Variants in RBFOX1 observed in about 807,000 individuals in gnomAD.
The protein encoded by RBFOX1 is RNA binding protein fox-1 homolog 1.
A neutral mutation model predicts 57.7 loss-of-function variants in RBFOX1; 8 were observed. That is an observed-to-expected ratio of 0.14 (90% CI 0.08 to 0.25). The LOEUF is 0.25. Among genes scored for constraint, RBFOX1 ranks in the 10% least tolerant of loss-of-function variants. The pLI is 1.00. For synonymous variants in RBFOX1, 326 were observed against 222.4 expected (o/e 1.47, Z -4.15); for missense variants, 611 against 548.5 (o/e 1.11, Z -1.14).
intron 3 of RBFOX1, among the ~76,000 whole-genome samples, chr16:6,821,373 T>C (rs970273764): frequency 6.6e-6 from 1 of 152,224 alleles, no homozygotes; most frequent in Non-Finnish European, 1.5e-5. Flanking sequence ...TTGATACTGT[T>C]TTATTTTAAA....
At chr16:5,387,266 C>G (rs1419077788) in intron 1 of RBFOX1, among the ~76,000 whole-genome samples, 1 of 152,140 alleles carries the variant, frequency 6.6e-6, no homozygotes, top group Non-Finnish European at 1.5e-5. Flanking sequence ...TTTTCAGAAT[C>G]TGCTGGGAGT....
Position 7,710,660 on chromosome 16 carries a change from G to A in RBFOX1, c.1109G>A (p.Ser370Asn). Residue 370 changes from serine to asparagine, a missense_variant, in exon 16 of 16, where the codon AGC (serine) becomes AAC (asparagine). Around this residue, in one of 3 missense-constraint regions of RBFOX1, gnomAD observed 267 missense variants for 229.1 expected, o/e 1.17. Transcript: ENST00000550418. ...CCTTTGACTGATGCCAAGACTAGGAGCCATGCTGATGATGTGGGTCTCGTT... is the reference window on the plus strand; with the variant it reads ...CCTTTGACTGATGCCAAGACTAGGAACCATGCTGATGATGTGGGTCTCGTT... ...FAPLTDAKTRSHADDVGLVLS... is the reference protein window; with the variant it reads ...FAPLTDAKTRNHADDVGLVLS... 2 of 1,613,500 alleles carry A rather than the reference G, an allele frequency of 1.2e-6. No individual in the cohort carries two copies. Among genetic ancestry groups the A allele is most frequent in the Non-Finnish European group, 1.7e-6 (2 of 1,179,778 alleles).
Position 6,531,395 on chromosome 16 carries a change from T to A in RBFOX1, c.-63-123208T>A, listed in dbSNP as rs187295958. Among the ~76,000 whole-genome samples, 9 of 152,304 alleles carry A rather than the reference T, an allele frequency of 5.9e-5. No individual in the cohort carries two copies. The East Asian group carries it at 1.7e-3, about 29-fold the overall frequency. On this transcript the variant is annotated intron_variant, in intron 2 of 15. Coordinates refer to ENST00000550418, the MANE Select transcript of RBFOX1 (RefSeq NM_018723.4). ...GGTACCAGAGCTCTCAGACATAGGA[T>A]CAGTTTTCTTAAGACATCTTACTCG...
At chr16:6,353,376 T>A (rs2086729209) in intron 2 of RBFOX1, among the ~76,000 whole-genome samples, 1 of 151,852 alleles carries the variant, frequency 6.6e-6, no homozygotes, top group Non-Finnish European at 1.5e-5. Flanking sequence ...GGGTATTAGC[T>A]CATTTGCCAT....
At chr16:5,501,113 T>C (rs2043179277) in intron 2 of RBFOX1, among the ~76,000 whole-genome samples, 1 of 151,924 alleles carries the variant, frequency 6.6e-6, no homozygotes, top group Non-Finnish European at 1.5e-5. Context: ...GTCAGGAGTT[T>C]GAGACCAGCT....
At chr16:6,769,578 A>C (rs2077958135) in intron 3 of RBFOX1, among the ~76,000 whole-genome samples, 1 of 152,230 alleles carries the variant, frequency 6.6e-6, no homozygotes, top group Non-Finnish European at 1.5e-5. Context: ...ACAATGCTGA[A>C]ACAGCTTCAT....
intron 3 of RBFOX1, among the ~76,000 whole-genome samples, chr16:5,634,243 C>T (rs980588953): frequency 6.6e-6 from 1 of 152,184 alleles, no homozygotes; most frequent in Non-Finnish European, 1.5e-5. Flanking sequence ...ACTGGCAAAG[C>T]CTGAAGTCTT....
At chr16:5,624,985 G>C (rs761742329) in intron 3 of RBFOX1, among the ~76,000 whole-genome samples, 1 of 152,194 alleles carries the variant, frequency 6.6e-6, no homozygotes, top group South Asian at 2.1e-4. Context: ...GATTGAGGGT[G>C]ACTCTCGGGC....
At chr16:6,029,036 G>T (rs2095248205) in intron 1 of RBFOX1, among the ~76,000 whole-genome samples, 2 of 152,122 alleles carry the variant, frequency 1.3e-5, no homozygotes, top group South Asian at 4.1e-4. Context: ...TGGCTACCTG[G>T]GAGTGAGTTA....
chr16:6,118,783 C>G (rs964630825), intron 1 of RBFOX1, among the ~76,000 whole-genome samples: 15 of 147,608 alleles, frequency 1.0e-4, no homozygotes, highest in African/African-American at 3.9e-4. Context: ...CTTTCTCCCT[C>G]TCTTTCTCTC....
intron 1 of RBFOX1, among the ~76,000 whole-genome samples, chr16:5,307,259 C>A (rs943109640): frequency 6.6e-6 from 1 of 152,140 alleles, no homozygotes; most frequent in South Asian, 2.1e-4. Context: ...TTTCTGTGCT[C>A]ACACCAGGAG....
intron 1 of RBFOX1, among the ~76,000 whole-genome samples, chr16:5,397,407 C>T (rs1017794653): frequency 6.6e-6 from 1 of 152,316 alleles, no homozygotes; most frequent in East Asian, 1.9e-4. Context: ...GGCAGGTGCT[C>T]TCTGCACTGA....
chr16:7,608,626 G>A (rs1322593656), intron 10 of RBFOX1, among the ~76,000 whole-genome samples: 1 of 152,132 alleles, frequency 6.6e-6, no homozygotes, highest in Non-Finnish European at 1.5e-5. Context: ...CACAGCTCGG[G>A]TTCAAATTCT....
intron 4 of RBFOX1, among the ~76,000 whole-genome samples, chr16:7,455,477 G>C (rs1056213017): frequency 1.3e-5 from 2 of 152,096 alleles, no homozygotes; most frequent in Admixed American, 1.3e-4. Context: ...TGGACATTTT[G>C]TGGGGATAAT....
At chr16:5,400,031 C>G (rs79748194) in intron 1 of RBFOX1, among the ~76,000 whole-genome samples, 9,791 of 152,116 alleles carry the variant, frequency 0.064, 433 homozygotes, top group East Asian at 0.12. Context: ...AGGTACTCAT[C>G]ACCTGGAGCT....
At chr16:7,219,279 C>G (rs1189991974) in intron 4 of RBFOX1, among the ~76,000 whole-genome samples, 1 of 152,102 alleles carries the variant, frequency 6.6e-6, no homozygotes, top group Non-Finnish European at 1.5e-5. Flanking sequence ...GCATATTGTG[C>G]CAAAGTTAAG....
At position 7,606,896 on chromosome 16, in the gene RBFOX1, T is replaced by C. The variant is rs180693978; in HGVS notation, c.623-389T>C. Among the ~76,000 whole-genome samples the C allele has an allele frequency of 5.7e-4, 87 of 152,358 alleles. No individual in the cohort carries two copies. The East Asian group carries it at 0.015, about 26-fold the overall frequency. On this transcript the variant is annotated intron_variant, in intron 9 of 15. Coordinates refer to ENST00000550418, the MANE Select transcript of RBFOX1 (RefSeq NM_018723.4). ...CCAAGAATTTTGTTTATGCAAGCTT[T>C]CTAATTTTTGTGAACTTAATGCAGA...
intron 4 of RBFOX1, among the ~76,000 whole-genome samples, chr16:7,229,404 A>G (rs999122655): frequency 2.0e-5 from 3 of 152,162 alleles, no homozygotes; most frequent in Non-Finnish European, 4.4e-5. Flanking sequence ...AAGGATAGAC[A>G]GAAAGGGCCT....
At chr16:6,653,371 C>A (rs58217055) in intron 2 of RBFOX1, among the ~76,000 whole-genome samples, 59,971 of 151,936 alleles carry the variant, frequency 0.39, 12,974 homozygotes, top group South Asian at 0.52. Flanking sequence ...GTGTCTTCTA[C>A]ATTGTTGAGT....
Sources: gnomAD v4.1 joint callset for allele counts (sites outside exome capture counted in the v4.1 genomes callset) on GRCh38, gnomAD v4.1.1 for gene constraint, gnomAD v4.1.1 regional missense constraint, MANE v1.5 for transcripts, NCBI Gene and HGNC (gene_info 2026-07-23, HGNC 2026-07-21) for gene names.